KLF12: variants seen among roughly 807,000 people sequenced by gnomAD.
KLF12 encodes KLF transcription factor 12.
A neutral mutation model predicts 37.8 loss-of-function variants in KLF12; 9 were observed. That is an observed-to-expected ratio of 0.24 (90% CI 0.14 to 0.42). KLF12 has a LOEUF of 0.42. KLF12 is among the 10% of genes least tolerant of loss of function. KLF12 has a pLI of 1.00. For missense variants in KLF12, 411 were observed against 516.0 expected (o/e 0.80, Z 1.97); for synonymous variants, 208 against 202.1 (o/e 1.03, Z -0.25).
chr13:74,049,146 T>G (rs4291804), intron 1 of KLF12, among the ~76,000 whole-genome samples: 106,913 of 152,100 alleles, frequency 0.7, 37,811 homozygotes, highest in East Asian at 0.85. Context: ...TAGCAGTTTA[T>G]TGCTAGTGCA....
chr13:74,026,052 A>AG (rs1892968935), intron 1 of KLF12, among the ~76,000 whole-genome samples: 2 of 152,164 alleles, frequency 1.3e-5, no homozygotes, highest in Admixed American at 1.3e-4. Flanking sequence ...ATTTATGCCA[A>AG]TTATGGATAC....
intron 1 of KLF12, among the ~76,000 whole-genome samples, chr13:74,018,455 C>T (rs1892757425): frequency 6.6e-6 from 1 of 151,946 alleles, no homozygotes; most frequent in African/African-American, 2.4e-5. Context: ...GTGTTCTCTC[C>T]AAAAAACAGT....
intron 6 of KLF12, among the ~76,000 whole-genome samples, chr13:73,728,572 T>C (rs1876835121): frequency 1.3e-5 from 2 of 152,250 alleles, no homozygotes; most frequent in African/African-American, 4.8e-5. Context: ...TTTTCATAGA[T>C]GCATTTTATC....
At chr13:74,198,241 C>T in the KLF12 span, among the ~76,000 whole-genome samples, 2 of 152,100 alleles carry the variant, frequency 1.3e-5, no homozygotes, top group African/African-American at 2.4e-5. Context: ...GGCTTTACTC[C>T]TGAGGCTAAA....
At chr13:73,871,753 T>G (rs150540600) in intron 3 of KLF12, among the ~76,000 whole-genome samples, 1 of 152,320 alleles carries the variant, frequency 6.6e-6, no homozygotes, top group African/African-American at 2.4e-5. Context: ...CGCATCCTGA[T>G]GCTCACTCTA....
At chr13:73,886,263 G>A (rs548716557) in intron 3 of KLF12, among the ~76,000 whole-genome samples, 7 of 152,294 alleles carry the variant, frequency 4.6e-5, no homozygotes, top group East Asian at 1.9e-4. Context: ...AAACGGTTTC[G>A]TACATGAGCA....
intron 7 of KLF12, among the ~76,000 whole-genome samples, chr13:73,714,809 T>A (rs188844815): frequency 1.3e-5 from 2 of 152,276 alleles, no homozygotes. Context: ...AATTGTGGTA[T>A]CAATTTCCTT....
chr13:74,169,164 C>T, the KLF12 span, among the ~76,000 whole-genome samples: 1 of 151,952 alleles, frequency 6.6e-6, no homozygotes, highest in Non-Finnish European at 1.5e-5. Flanking sequence ...TAATATTACC[C>T]AAGAAAGTAT....
At chr13:74,008,053 G>T (rs1309232145) in intron 1 of KLF12, among the ~76,000 whole-genome samples, 1 of 152,178 alleles carries the variant, frequency 6.6e-6, no homozygotes, top group East Asian at 1.9e-4. Flanking sequence ...ACAAGGGGCT[G>T]ACTTTGGGGA....
At chr13:74,190,244 C>A in the KLF12 span, among the ~76,000 whole-genome samples, 1 of 151,968 alleles carries the variant, frequency 6.6e-6, no homozygotes, top group African/African-American at 2.4e-5. Flanking sequence ...AACTTTTTGA[C>A]CTTTGCAAAT....
chr13:74,113,222 C>A (rs1207733353), intron 1 of KLF12, among the ~76,000 whole-genome samples: 1 of 152,202 alleles, frequency 6.6e-6, no homozygotes, highest in Non-Finnish European at 1.5e-5. Context: ...GAAGCTGCAA[C>A]AAGTTATCCG....
intron 4 of KLF12, among the ~76,000 whole-genome samples, chr13:73,838,518 A>G (rs1884560985): frequency 6.6e-6 from 1 of 152,218 alleles, no homozygotes; most frequent in Non-Finnish European, 1.5e-5. Flanking sequence ...TATTTTGGGA[A>G]AAGTACTTCA....
chr13:73,855,996 C>T (rs1885588729), intron 3 of KLF12, among the ~76,000 whole-genome samples: 1 of 152,218 alleles, frequency 6.6e-6, no homozygotes, highest in African/African-American at 2.4e-5. Context: ...CTATCTAAGG[C>T]TGTTGTAATG....
intron 1 of KLF12, among the ~76,000 whole-genome samples, chr13:74,025,069 T>G (rs2138446176): frequency 6.6e-6 from 1 of 152,280 alleles, no homozygotes; most frequent in East Asian, 1.9e-4. Flanking sequence ...GGTAACAATG[T>G]ACATATGACA....
chr13:74,250,165 C>T, the KLF12 span, among the ~76,000 whole-genome samples: 1 of 152,026 alleles, frequency 6.6e-6, no homozygotes, highest in Non-Finnish European at 1.5e-5. Context: ...AGGAGTCATA[C>T]TTTGAGAGGG....
chr13:73,784,694 G>T (rs1405797410), intron 5 of KLF12, among the ~76,000 whole-genome samples: 3 of 147,320 alleles, frequency 2.0e-5, no homozygotes, highest in African/African-American at 7.6e-5. Context: ...GCAGTGGCAC[G>T]ATCTAGGCTC....
intron 6 of KLF12, among the ~76,000 whole-genome samples, chr13:73,719,052 T>G (rs1469647728): frequency 6.6e-6 from 1 of 152,264 alleles, no homozygotes; most frequent in Non-Finnish European, 1.5e-5. Context: ...ATTTTCTCCT[T>G]GGTTCCCCTT....
At chr13:73,727,261 T>C (rs1413652911) in intron 6 of KLF12, among the ~76,000 whole-genome samples, 1 of 152,238 alleles carries the variant, frequency 6.6e-6, no homozygotes, top group Non-Finnish European at 1.5e-5. Flanking sequence ...TGCTGTAAGA[T>C]GGCTTGGACT....
chr13:73,908,469 T>A (rs564678650), intron 3 of KLF12, among the ~76,000 whole-genome samples: 15 of 151,290 alleles, frequency 9.9e-5, no homozygotes, highest in Non-Finnish European at 2.2e-4. Context: ...CTAAAGGTTT[T>A]CATTTTCTTT....
Sources: gnomAD v4.1 joint callset for allele counts (sites outside exome capture counted in the v4.1 genomes callset) on GRCh38, gnomAD v4.1.1 for gene constraint, MANE v1.5 for transcripts, NCBI Gene and HGNC (gene_info 2026-07-23, HGNC 2026-07-21) for gene names.